ANO8: variants seen among roughly 807,000 people sequenced by gnomAD.
ANO8 encodes the protein anoctamin-8.
ANO8 carries 67 observed loss-of-function variants against 120.4 expected under a neutral mutation model. The ratio of observed to expected loss-of-function variants is 0.56; its 90% confidence interval spans 0.46 to 0.68. ANO8 has a LOEUF of 0.68. Ranked by LOEUF, ANO8 falls within the 30% of genes least tolerant of loss-of-function variation. The probability of loss-of-function intolerance (pLI) is 0.00; values close to 1 mark genes in which losing one functional copy is unlikely to be tolerated. For synonymous variants in ANO8, 727 were observed against 759.2 expected (o/e 0.96, Z 0.70); for missense variants, 1,526 against 1,737.6 (o/e 0.88, Z 2.16).
intron 13 of ANO8, 130 bp downstream of exon 13, chr19:17,328,032 C>T: frequency 2.2e-6 from 3 of 1,361,340 alleles, no homozygotes; most frequent in South Asian, 1.5e-5. Context: ...GCTAGGCCTT[C>T]CTCTCCTGCA....
chr19:17,333,109 T>A lies in ANO8; in HGVS notation c.481A>T (p.Thr161Ser). 6.2e-7 allele frequency: 1 copy of A among 1,613,814 alleles called. No individual in the cohort carries two copies. Among genetic ancestry groups the A allele is most frequent in the Non-Finnish European group, 8.5e-7 (1 of 1,179,922 alleles). The change falls in exon 4 of 18, where the codon ACC (threonine) becomes TCC (serine). Residue 161 changes from threonine to serine, a missense_variant. By Grantham distance (58) the Thr-to-Ser change is moderately conservative. Coordinates refer to ENST00000159087, the MANE Select transcript of ANO8 (RefSeq NM_020959.3). This position sits in a 1 kb window ranked among gnomAD's most constrained non-coding sequence, Gnocchi z 7.2. ...CCCAGAGCCGGCCTCACCTGGGAGGTGAAGAAGCGTAGCTCGCTCTCCACA... is the reference window on the plus strand; with the variant it reads ...CCCAGAGCCGGCCTCACCTGGGAGGAGAAGAAGCGTAGCTCGCTCTCCACA... ...ENVESELRFF[T>S]SQERQSIIRF...
chr19:17,329,152 G>T, intron 12 of ANO8, 169 bp from the exon 13 acceptor site: 1 of 534,280 alleles, frequency 1.9e-6, no homozygotes, highest in Non-Finnish European at 3.2e-6. Flanking sequence ...GGCCCCCAGC[G>T]CTCAGCCACA....
chr19:17,332,260 T>TA (rs138698240), intron 5 of ANO8, among the ~76,000 whole-genome samples: 4 of 50,868 alleles, frequency 7.9e-5, no homozygotes, highest in African/African-American at 1.4e-4. Flanking sequence ...TTTATTTATT[T>TA]GTTTGAGACA....
chr19:17,331,515 A>G, intron 5 of ANO8, 104 bp from the exon 6 acceptor site: 1 of 958,332 alleles, frequency 1.0e-6, no homozygotes, highest in Non-Finnish European at 1.7e-6. Context: ...GCCTGCTCTT[A>G]AACCTCTAGA....
At chr19:17,331,500 T>G in intron 5 of ANO8, 89 bp from the exon 6 acceptor site, 12 of 1,174,746 alleles carry the variant, frequency 1.0e-5, no homozygotes, top group Non-Finnish European at 1.5e-5. Context: ...AAGTCACAGC[T>G]TTTTGCCTGC....
At chr19:17,329,135 G>A (rs1466614699) in intron 12 of ANO8, 152 bp from the exon 13 acceptor site, 1 of 575,196 alleles carries the variant, frequency 1.7e-6, no homozygotes, top group Non-Finnish European at 2.9e-6. Context: ...GACGCGCCTC[G>A]ACGCGAGGCC....
In ANO8 at chr19:17,333,845, C is replaced by G; in HGVS notation, c.107-45G>C. ...GCCCGGGTCAGGCCACTCTGGGATC[C>G]GGACCCGGCCTCCAGTCTTGGCTCC... On this transcript the variant is annotated intron_variant, in intron 1 of 17. Coordinates refer to ENST00000159087, the MANE Select transcript of ANO8 (RefSeq NM_020959.3). This position sits in a 1 kb window ranked among gnomAD's most constrained non-coding sequence, Gnocchi z 7.2. 2 of 1,502,840 alleles carry G rather than the reference C, an allele frequency of 1.3e-6. No homozygotes were observed. The highest frequency in any genetic ancestry group is 4.9e-5 in the East Asian group (2 of 40,838). The allele number at this position is 1,502,840 out of a possible 1,614,324, so 93.1% of individuals were successfully genotyped here. A position where few individuals can be genotyped will look rare whatever the true frequency, so the allele number is the denominator to read the frequency against.
rs199523416 is a variant in ANO8, at chr19:17,324,738, G to C, written c.3310C>G (p.Arg1104Gly). ...EALAEELEAPRPEEEGSGTAL... is the reference protein window; with the variant it reads ...EALAEELEAPGPEEEGSGTAL... ...TGACCTGAGCCTTCCTCTTCGGGCC[G>C]GGGGGCTTCCAGCTCCTCAGCCAGG... Residue 1104 changes from arginine to glycine, a missense_variant, in exon 17 of 18, where the codon CGG becomes GGG. Physicochemically the swap from Arg to Gly is moderately radical, Grantham distance 125. Transcript: ENST00000159087. The C allele has an allele frequency of 9.8e-6, 15 of 1,527,346 alleles. No homozygotes were observed. Among genetic ancestry groups the C allele is most frequent in the Admixed American group, 4.4e-5 (2 of 45,630 alleles). The allele number at this position is 1,527,346 out of a possible 1,614,324, so 94.6% of individuals were successfully genotyped here.
In ANO8 at chr19:17,331,072, G is replaced by A. The variant is rs778778816; in HGVS notation, c.831+16C>T. 7 of 1,613,892 alleles carry A rather than the reference G, an allele frequency of 4.3e-6. No homozygotes were observed. Among genetic ancestry groups the A allele is most frequent in the Admixed American group, 3.3e-5 (2 of 60,014 alleles). On this transcript the variant is annotated intron_variant, in intron 7 of 17. Transcript: ENST00000159087. ...CCTCTGGATCCCCCAGACCTTGCAG[G>A]GTCCCTGCCCAGTACCTGATCAGCC...
At chr19:17,325,682 C>A (rs60506708) in intron 16 of ANO8, among the ~76,000 whole-genome samples, 18,476 of 152,286 alleles carry the variant, frequency 0.12, 1,257 homozygotes, top group Middle Eastern at 0.18. Flanking sequence ...AATCCCAGCA[C>A]TTTGGGAGGC....
chr19:17,328,735 C>T lies in ANO8; in HGVS notation c.1653G>A (p.Gly551=), dbSNP rs1163492975. 1 of 1,354,514 alleles carries T rather than the reference C, an allele frequency of 7.4e-7. No homozygotes were observed. The highest frequency in any genetic ancestry group is 9.5e-7 in the Non-Finnish European group (1 of 1,055,790). 83.9% of individuals were successfully genotyped at this position (1,354,514 alleles called of 1,614,324 possible). The change falls in exon 13 of 18, where the codon GGG becomes GGA. Residue 551 remains glycine (G), a synonymous_variant. Transcript: ENST00000159087. ...GGRRCLSGGC[G]APEEEEEAAL... is the part of the protein sequence containing the mutation. ...CCGCCTCCTCCTCCTCCTCCGGCGC[C>T]CCGCAGCCCCCGCTGAGGCACCTGC... is the stretch of plus-strand genomic sequence containing the variant.
intron 5 of ANO8, 124 bp from the exon 6 acceptor site, chr19:17,331,535 AG>A: frequency 1.3e-6 from 1 of 795,956 alleles, no homozygotes; most frequent in Non-Finnish European, 2.1e-6. Flanking sequence ...AGCTCTTTCC[AG>A]GGGAGAAGTT....
chr19:17,328,858 T>G lies in ANO8; in HGVS notation c.1530A>C (p.Arg510=), dbSNP rs1406664941. ...LGLRAVWELA[R]ALLGLLSLRR... ...GGAGGCTCAGGAGGCCAAGCAGGGCTCGGGCCAGCTCCCAGACGGCCCGCA... is the reference window on the plus strand; with the variant it reads ...GGAGGCTCAGGAGGCCAAGCAGGGCGCGGGCCAGCTCCCAGACGGCCCGCA... The change falls in exon 13 of 18, where the codon CGA becomes CGC. Residue 510 remains arginine, a synonymous_variant. Transcript: ENST00000159087. 18 of 1,491,374 alleles carry G rather than the reference T, an allele frequency of 1.2e-5. No homozygotes were observed. The highest frequency in any genetic ancestry group is 5.3e-6 in the Non-Finnish European group (6 of 1,126,082). 92.4% of individuals were successfully genotyped at this position (1,491,374 alleles called of 1,614,324 possible).
rs1315325683 is a variant in ANO8, at chr19:17,328,485, C to T, written c.1903G>A (p.Ala635Thr). ...GRRRPGPSPE[A>T]LLEEGSPTMV... is the part of the protein sequence containing the mutation. ...GTGGGGCTCCCTTCCTCCAGGAGGG[C>T]CTCCGGGCTTGGGCCGGGCCGACGC... Residue 635 changes from alanine (A) to threonine (T), a missense_variant, in exon 13 of 18, where the codon GCC becomes ACC. Ala to Thr is a moderately conservative substitution (Grantham distance 58). Transcript: ENST00000159087. The T allele has an allele frequency of 6.4e-7, 1 of 1,563,574 alleles. No individual in the cohort carries two copies. Among genetic ancestry groups the T allele is most frequent in the Non-Finnish European group, 8.6e-7 (1 of 1,158,080 alleles).
chr19:17,331,042 G>A (rs1350669681), intron 7 of ANO8, 46 bp downstream of exon 7: 3 of 1,613,512 alleles, frequency 1.9e-6, no homozygotes, highest in Non-Finnish European at 2.5e-6. Flanking sequence ...CCAGAAAGGA[G>A]GGCGCCTCTG....
intron 5 of ANO8, 27 bp downstream of exon 5, chr19:17,332,902 TG>T (rs2074329300): frequency 1.2e-5 from 20 of 1,611,842 alleles, no homozygotes; most frequent in Non-Finnish European, 1.7e-5. Flanking sequence ...TCTCTGCCTG[TG>T]ATTGGTGTTG....
intron 5 of ANO8, 32 bp from the exon 6 acceptor site, chr19:17,331,443 CCCTCCA>C (rs2074317705): frequency 6.3e-7 from 1 of 1,595,650 alleles, no homozygotes; most frequent in Non-Finnish European, 8.6e-7. Context: ...TGATCCCCGC[CCCTCCA>C]CCTGTGCCTA....
chr19:17,327,364 G>A lies in ANO8; in HGVS notation c.2551-19C>T. 1 of 1,549,722 alleles carries A rather than the reference G, an allele frequency of 6.5e-7. No individual in the cohort carries two copies. The highest frequency in any genetic ancestry group is 8.7e-7 in the Non-Finnish European group (1 of 1,145,434). ...CGAAGTGCTGCAGGGGTGGCAGAGA[G>A]GAGGCTGCAGGCTGCAGACGCTGGG... On this transcript the variant is annotated intron_variant, in intron 15 of 17. Coordinates refer to ENST00000159087, the MANE Select transcript of ANO8 (RefSeq NM_020959.3).
In ANO8 at chr19:17,327,224, G is replaced by C; in HGVS notation, c.2661+11C>G. 6.6e-7 allele frequency: 1 copy of C among 1,521,396 alleles called. No homozygotes were observed. The highest frequency in any genetic ancestry group is 8.9e-7 in the Non-Finnish European group (1 of 1,128,636). The allele number at this position is 1,521,396 out of a possible 1,614,324, so 94.2% of individuals were successfully genotyped here. A position where few individuals can be genotyped will look rare whatever the true frequency, so the allele number is the denominator to read the frequency against. On this transcript the variant is annotated intron_variant, in intron 16 of 17. Transcript: ENST00000159087. ...CCAATGAGAAAACCGAGCCCAGCCT[G>C]GCCCCCCTACCTTAAAGGCCTCGCG... is the stretch of plus-strand genomic sequence containing the variant.
Sources: allele counts gnomAD v4.1 joint callset (sites outside exome capture counted in the v4.1 genomes callset), GRCh38; gene constraint gnomAD v4.1.1; non-coding constraint Gnocchi (gnomAD v3.1); transcripts MANE v1.5; gene names NCBI Gene and HGNC (gene_info 2026-07-23, HGNC 2026-07-21).